ADAMTS9: variants seen among roughly 807,000 people sequenced by gnomAD.
The protein encoded by ADAMTS9 is A disintegrin and metalloproteinase with thrombospondin motifs 9.
ADAMTS9 carries 107 observed loss-of-function variants against 257.1 expected under a neutral mutation model. The ratio of observed to expected loss-of-function variants is 0.42; its 90% CI spans 0.36 to 0.49. The LOEUF is 0.49. ADAMTS9 is among the 20% of genes least tolerant of loss of function. The probability of loss-of-function intolerance (pLI) is 0.03; values close to 1 mark genes in which losing one functional copy is unlikely to be tolerated. For synonymous variants in ADAMTS9, 982 were observed against 880.9 expected (o/e 1.11, Z -2.03); for missense variants, 2,353 against 2,469.1 (o/e 0.95, Z 1.00).
At chr3:64,600,268 A>G (rs2084435285) in intron 26 of ADAMTS9, among the ~76,000 whole-genome samples, 1 of 152,082 alleles carries the variant, frequency 6.6e-6, no homozygotes, top group African/African-American at 2.4e-5. Flanking sequence ...TGCAAAGATG[A>G]CGTACATCCT....
intron 38 of ADAMTS9, among the ~76,000 whole-genome samples, chr3:64,526,176 T>A (rs1322287136): frequency 6.7e-6 from 1 of 150,306 alleles, no homozygotes; most frequent in East Asian, 1.9e-4. Flanking sequence ...AGAGAAGAAT[T>A]GTAATGTTCC....
In ADAMTS9 at chr3:64,639,386, G is replaced by A. The variant is rs564670607; in HGVS notation, c.1856+2462C>T. On this transcript the variant is annotated intron_variant, in intron 12 of 39. Coordinates refer to ENST00000498707, the MANE Select transcript of ADAMTS9 (RefSeq NM_182920.2). ...CCTCTAATTGAGGTCTTTAATGATC[G>A]GTTCTTAACTTCTGAATGTGAGGAT... Among the ~76,000 whole-genome samples the A allele has an allele frequency of 3.5e-4, 50 of 142,664 alleles. 1 individual carries two copies. Among genetic ancestry groups the A allele is most frequent in the African/African-American group, 1.3e-3 (49 of 37,830 alleles). 93.6% of individuals were successfully genotyped at this position (142,664 alleles called of 152,430 possible).
intron 2 of ADAMTS9, among the ~76,000 whole-genome samples, chr3:64,681,848 C>G (rs1171118996): frequency 6.6e-6 from 1 of 152,190 alleles, no homozygotes; most frequent in Non-Finnish European, 1.5e-5. Flanking sequence ...CTATCCAAAT[C>G]TGTCTCTAAG....
At chr3:64,666,713 G>C (rs972594087) in intron 3 of ADAMTS9, among the ~76,000 whole-genome samples, 2 of 152,208 alleles carry the variant, frequency 1.3e-5, no homozygotes, top group Admixed American at 6.5e-5. Flanking sequence ...CCTTAAAGCA[G>C]GGCATGACAC....
At chr3:64,682,251 G>A (rs1220863363) in intron 2 of ADAMTS9, among the ~76,000 whole-genome samples, 1 of 152,154 alleles carries the variant, frequency 6.6e-6, no homozygotes, top group African/African-American at 2.4e-5. Flanking sequence ...AATGTAAAGA[G>A]TTACTGTGCA....
chr3:64,621,236 T>C lies in ADAMTS9; in HGVS notation c.2691A>G (p.Glu897=). 1 of 1,612,340 alleles carries C rather than the reference T, an allele frequency of 6.2e-7. No homozygotes were observed. Among genetic ancestry groups the C allele is most frequent in the Non-Finnish European group, 8.5e-7 (1 of 1,179,550 alleles). ...TGGTGCAAACAAGTTTTCGTTTCCG[T>C]TCCCCTAAGCAGAAAGGGAAAAAAA... ...WQACSKPCQG[E]RKRKLVCTRE... The change falls in exon 19 of 40, where the codon GAA becomes GAG. Residue 897 remains glutamate (E), a synonymous_variant. Transcript: ENST00000498707.
chr3:64,560,878 C>T (rs554347402), intron 30 of ADAMTS9, among the ~76,000 whole-genome samples: 31 of 152,226 alleles, frequency 2.0e-4, no homozygotes, highest in African/African-American at 6.7e-4. Flanking sequence ...TTCTTTCCCC[C>T]CCTTTTCTAC....
rs1349714605 is a variant in ADAMTS9 at position 64,648,192 on chromosome 3, A to G, written c.1606-148T>C. The stretch of plus-strand genomic sequence containing the variant: ...CTTTTCTTGGTATGATAAATGCTAA[A>G]ATATAGACAGCAGCCCATAAAACAC... On this transcript the variant is annotated intron_variant, in intron 10 of 39. Transcript: ENST00000498707. 15 of 709,274 alleles carry G rather than the reference A, an allele frequency of 2.1e-5. No individual in the cohort carries two copies. In the East Asian group the frequency reaches 3.6e-4, roughly 17 times the overall value. The allele number at this position is 709,274 out of a possible 1,614,324, so 43.9% of individuals were successfully genotyped here. A position where few individuals can be genotyped will look rare whatever the true frequency, so the allele number is the denominator to read the frequency against.
Position 64,654,605 on chromosome 3 carries a change from T to A in ADAMTS9, c.1177A>T (p.Ile393Phe). 1 of 1,614,166 alleles carries A rather than the reference T, an allele frequency of 6.2e-7. No homozygotes were observed. Among genetic ancestry groups the A allele is most frequent in the Non-Finnish European group, 8.5e-7 (1 of 1,180,020 alleles). The change falls in exon 7 of 40, where the codon ATC becomes TTC. Residue 393 changes from isoleucine (I) to phenylalanine (F), a missense_variant. Physicochemically the swap from Ile to Phe is conservative, Grantham distance 21. Transcript: ENST00000498707. ...TCACATTTGTCGTGAGCTCTGCAGA[T>A]ATCCTGTCTGAAAGCAAAGCAGACT... ...DTAVLLTRQD[I>F]CRAHDKCDTL...
chr3:64,552,575 C>CT (rs113655800), intron 30 of ADAMTS9, among the ~76,000 whole-genome samples: 6,698 of 139,192 alleles, frequency 0.048, 174 homozygotes, highest in Non-Finnish European at 0.059. Context: ...CTTTTCTTTC[C>CT]TTTTTTTTTT....
chr3:64,669,021 C>T lies in ADAMTS9; in HGVS notation c.680-10230G>A, dbSNP rs538057702. On this transcript the variant is annotated intron_variant, in intron 3 of 39. Transcript: ENST00000498707. ...TCACAATGTCCATGTTCCATGACCACGGAAGTGAGTGACCACAGGGGCATG... is the reference window on the plus strand; with the variant it reads ...TCACAATGTCCATGTTCCATGACCATGGAAGTGAGTGACCACAGGGGCATG... 7.2e-5 allele frequency among the ~76,000 whole-genome samples: 11 copies of T among 152,232 alleles called. No individual in the cohort carries two copies. In the South Asian group the frequency reaches 1.0e-3, roughly 14 times the overall value.
chr3:64,540,872 T>A (rs1169123408), intron 36 of ADAMTS9, among the ~76,000 whole-genome samples: 2 of 152,250 alleles, frequency 1.3e-5, no homozygotes, highest in African/African-American at 4.8e-5. Flanking sequence ...CGAGCCACTT[T>A]CCAGGCACTG....
chr3:64,681,535 A>G (rs1701756757), intron 2 of ADAMTS9, among the ~76,000 whole-genome samples, 172 bp from the exon 3 acceptor site: 1 of 152,034 alleles, frequency 6.6e-6, no homozygotes, highest in Admixed American at 6.6e-5. Flanking sequence ...GTTTATTTCC[A>G]CTCTCTGTCA....
rs759485594 is a variant in ADAMTS9 at position 64,686,722 on chromosome 3, G to C, written c.362C>G (p.Ala121Gly). ...FNLTANAGFI[A>G]PLFTVTLLGT... ...GAGGAGGGTGACAGTGAACAGTGGA[G>C]CGATAAATCCGGCATTGGCGGTGAG... The change falls in exon 2 of 40, where the codon GCT becomes GGT. Residue 121 changes from alanine to glycine, a missense_variant. Transcript: ENST00000498707. This position sits in a 1 kb window ranked among gnomAD's most constrained non-coding sequence, Gnocchi z 4.6. The C allele has an allele frequency of 5.6e-6, 9 of 1,614,236 alleles. No individual in the cohort carries two copies. Among genetic ancestry groups the C allele is most frequent in the Non-Finnish European group, 6.8e-6 (8 of 1,180,046 alleles).
At chr3:64,667,435 C>T (rs557440644) in intron 3 of ADAMTS9, among the ~76,000 whole-genome samples, 9 of 152,228 alleles carry the variant, frequency 5.9e-5, no homozygotes, top group Non-Finnish European at 1.0e-4. Context: ...TATAACAAGA[C>T]GCAGGTGGGA....
At chr3:64,598,729 C>T (rs554922380) in intron 26 of ADAMTS9, among the ~76,000 whole-genome samples, 1 of 152,052 alleles carries the variant, frequency 6.6e-6, no homozygotes, top group Non-Finnish European at 1.5e-5. Context: ...TTAGGAAGGG[C>T]CTTTCATGGT....
Position 64,613,753 on chromosome 3 carries a change from A to C in ADAMTS9, c.3190-244T>G, listed in dbSNP as rs74825742. Among the ~76,000 whole-genome samples, 5,944 of 152,262 alleles carry C rather than the reference A, an allele frequency of 0.039. 347 individuals carry two copies. The highest frequency in any genetic ancestry group is 0.13 in the African/African-American group (5,272 of 41,526). On this transcript the variant is annotated intron_variant, in intron 21 of 39. Transcript: ENST00000498707. ...AATAAACTAAACACAGCTCCATGCT[A>C]TAAAATTTGAAAAACAACATTCATA... is the stretch of plus-strand genomic sequence containing the variant.
At chr3:64,557,002 A>T (rs1405316060) in intron 30 of ADAMTS9, among the ~76,000 whole-genome samples, 1 of 152,198 alleles carries the variant, frequency 6.6e-6, no homozygotes, top group Non-Finnish European at 1.5e-5. Flanking sequence ...AAAAACAGGC[A>T]ATGAGAATTC....
intron 9 of ADAMTS9, 47 bp from the exon 10 acceptor site, chr3:64,649,825 C>T (rs2106943597): frequency 6.3e-7 from 1 of 1,577,528 alleles, no homozygotes; most frequent in East Asian, 2.3e-5. Context: ...CGGTGGCTGT[C>T]AAGGTCTCCC....
Sources: allele counts gnomAD v4.1 joint callset (sites outside exome capture counted in the v4.1 genomes callset), GRCh38; gene constraint gnomAD v4.1.1; non-coding constraint Gnocchi (gnomAD v3.1); transcripts MANE v1.5; gene names NCBI Gene and HGNC (gene_info 2026-07-23, HGNC 2026-07-21).